Variants in GCFC2 observed in about 807,000 individuals in gnomAD.
GCFC2 encodes the protein GC-rich sequence DNA-binding factor 2, also known as intron Large complex component GCFC2.
Under a neutral mutation model 99.4 loss-of-function variants are expected in GCFC2, and 102 were observed. The observed-to-expected ratio is 1.03, with a 90% confidence interval of 0.87 to 1.21. The LOEUF is 1.21. Ranked by LOEUF, GCFC2 falls within the 50% of genes most tolerant of loss-of-function variation. The probability of loss-of-function intolerance (pLI) is 0.00; values close to 1 mark genes in which losing one functional copy is unlikely to be tolerated. For missense variants in GCFC2, 973 were observed against 920.9 expected (o/e 1.06, Z -0.73); for synonymous variants, 338 against 316.8 (o/e 1.07, Z -0.71).
At chr2:75,703,617 G>A (rs1680707082) in intron 2 of GCFC2, among the ~76,000 whole-genome samples, 1 of 152,182 alleles carries the variant, frequency 6.6e-6, no homozygotes. Context: ...GGGACATGAT[G>A]AAGGTCAGGT....
chr2:75,666,802 G>A (rs577449535), intron 15 of GCFC2, among the ~76,000 whole-genome samples: 6 of 152,110 alleles, frequency 3.9e-5, no homozygotes, highest in South Asian at 4.1e-4. Context: ...TATTGTTCCC[G>A]GAGAGAACAA....
chr2:75,706,435 C>G, intron 2 of GCFC2, 88 bp downstream of exon 2: 1 of 831,904 alleles, frequency 1.2e-6, no homozygotes. Flanking sequence ...TGCCCCATGT[C>G]ACTAGAGTTT....
At chr2:75,701,913 T>C in intron 3 of GCFC2, 1 of 1,153,752 alleles carries the variant, frequency 8.7e-7, no homozygotes, top group Non-Finnish European at 1.1e-6. Flanking sequence ...AAACGATCGT[T>C]TTCAATGCTT....
chr2:75,706,482 T>C (rs1396140504), intron 2 of GCFC2, 41 bp downstream of exon 2: 1 of 1,337,156 alleles, frequency 7.5e-7, no homozygotes, highest in Non-Finnish European at 1.1e-6. Context: ...AACACTATAT[T>C]AAAAATAAAA....
chr2:75,686,266 A>T (rs976269277), intron 11 of GCFC2, among the ~76,000 whole-genome samples: 1 of 152,104 alleles, frequency 6.6e-6, no homozygotes, highest in Admixed American at 6.5e-5. Context: ...ATTTTTTTTA[A>T]ATTTTAAATT....
At chr2:75,691,893 G>T in intron 7 of GCFC2, 84 bp downstream of exon 7, 1 of 719,260 alleles carries the variant, frequency 1.4e-6, no homozygotes, top group Non-Finnish European at 1.9e-6. Context: ...TGAAAAACAT[G>T]TTTATAAAAA....
chr2:75,688,995 G>T, intron 10 of GCFC2, 31 bp downstream of exon 10: 1 of 1,164,526 alleles, frequency 8.6e-7, no homozygotes, highest in South Asian at 1.3e-5. Flanking sequence ...AATATAATCA[G>T]GATAATTTTT....
Position 75,702,238 on chromosome 2 carries a change from T to A in GCFC2, c.580A>T (p.Arg194Ter). 2 of 1,610,750 alleles carry A rather than the reference T, an allele frequency of 1.2e-6. No individual in the cohort carries two copies. Among genetic ancestry groups the A allele is most frequent in the Non-Finnish European group, 1.7e-6 (2 of 1,176,890 alleles). ...ATCCTTTGTCTAAGTGTTTGAGGTC[T>A]TAGAGTAAATGGTATTCTCTTTTCA... ...DHEKRIPFTLRPQTLRQRMAE... is the reference protein window; with the variant it reads ...DHEKRIPFTL Residue 194 changes from arginine (R) to a stop codon, truncating the protein, a stop_gained, in exon 3 of 17, where the codon AGA becomes TGA. Coordinates refer to ENST00000321027, the MANE Select transcript of GCFC2 (RefSeq NM_003203.5). LOFTEE classifies it high-confidence loss of function.
chr2:75,708,879 A>C (rs947683700), intron 1 of GCFC2, among the ~76,000 whole-genome samples: 5 of 152,140 alleles, frequency 3.3e-5, no homozygotes, highest in African/African-American at 1.2e-4. Flanking sequence ...CAACACCCTC[A>C]ATGATCTAAA....
intron 11 of GCFC2, among the ~76,000 whole-genome samples, chr2:75,682,011 G>T (rs1679603088): frequency 6.6e-6 from 1 of 151,922 alleles, no homozygotes; most frequent in South Asian, 2.1e-4. Flanking sequence ...GTGGCTGTGG[G>T]CGCAGCTTCA....
At chr2:75,697,039 G>A (rs908522083) in intron 4 of GCFC2, among the ~76,000 whole-genome samples, 13 of 152,270 alleles carry the variant, frequency 8.5e-5, no homozygotes, top group African/African-American at 3.1e-4. Context: ...GCCTGCCGTG[G>A]CCTCCCAAAG....
At position 75,685,659 on chromosome 2, in the gene GCFC2, C is replaced by T. The variant is rs867378512; in HGVS notation, c.1690+2168G>A. Among the ~76,000 whole-genome samples the T allele has an allele frequency of 5.3e-5, 8 of 152,096 alleles. No homozygotes were observed. In the East Asian group the frequency reaches 1.2e-3, roughly 22 times the overall value. On this transcript the variant is annotated intron_variant, in intron 11 of 16. Coordinates refer to ENST00000321027, the MANE Select transcript of GCFC2 (RefSeq NM_003203.5). ...CTTCTCTTTTCGGTTTATATTCACTCGCTTGGTATTCAAAGTCAATTTTAT... is the reference window on the plus strand; with the variant it reads ...CTTCTCTTTTCGGTTTATATTCACTTGCTTGGTATTCAAAGTCAATTTTAT...
rs566497279 is a variant in GCFC2 at position 75,710,007 on chromosome 2, G to A, written c.265+584C>T. ...GAACTCAAAGGTACTTCAAAATGAC[G>A]ACACTATATCTAACACCATTACTGG... is the stretch of plus-strand genomic sequence containing the variant. On this transcript the variant is annotated intron_variant, in intron 1 of 16. Transcript: ENST00000321027. Among the ~76,000 whole-genome samples, 5 of 152,162 alleles carry A rather than the reference G, an allele frequency of 3.3e-5. No homozygotes were observed. The East Asian group carries it at 7.7e-4, about 24-fold the overall frequency.
chr2:75,711,131 T>C (rs2104447464), upstream of GCFC2: 3 of 1,246,222 alleles, frequency 2.4e-6, no homozygotes, highest in South Asian at 8.4e-5. Flanking sequence ...TCACGGCCTA[T>C]CCGGTCTGAG....
intron 9 of GCFC2, 77 bp from the exon 10 acceptor site, chr2:75,689,302 T>C (rs1679951187): frequency 1.3e-6 from 1 of 750,078 alleles, no homozygotes; most frequent in Admixed American, 2.6e-5. Context: ...ACGGTCATGA[T>C]GGACTGTAAT....
chr2:75,688,067 G>A (rs1679899689), intron 10 of GCFC2, 90 bp from the exon 11 acceptor site: 1 of 770,424 alleles, frequency 1.3e-6, no homozygotes, highest in African/African-American at 1.8e-5. Flanking sequence ...AATCACCAGA[G>A]CTTTTCTAAG....
intron 15 of GCFC2, among the ~76,000 whole-genome samples, chr2:75,666,899 C>G (rs1181114888): frequency 1.3e-5 from 2 of 151,990 alleles, no homozygotes; most frequent in Admixed American, 1.3e-4. Context: ...CAGACCAACT[C>G]AAAGTTCTAA....
At position 75,664,126 on chromosome 2, in the gene GCFC2, GGGA is replaced by G. The variant is rs1219576487; in HGVS notation, c.*537_*539del. ...AAAAGGATAATAACTACTGCTGGTA[GGGA>G]TTCATTGGCACTCACTTATGCTTAT... is the stretch of plus-strand genomic sequence containing the variant. On this transcript the variant is annotated 3_prime_UTR_variant, in exon 17 of 17. Transcript: ENST00000321027. 7 of 152,300 alleles carry G rather than the reference GGGA, an allele frequency of 4.6e-5. No individual in the cohort carries two copies. The East Asian group carries it at 1.4e-3, about 29-fold the overall frequency. The allele number at this position is 152,300 out of a possible 1,614,324, so 9.4% of individuals were successfully genotyped here. A position where few individuals can be genotyped will look rare whatever the true frequency, so the allele number is the denominator to read the frequency against.
At chr2:75,666,579 G>T (rs930444600) in intron 15 of GCFC2, among the ~76,000 whole-genome samples, 2 of 152,004 alleles carry the variant, frequency 1.3e-5, no homozygotes, top group Non-Finnish European at 2.9e-5. Flanking sequence ...GCAGCAGAAT[G>T]AATCAATGTA....
Sources: gnomAD v4.1 joint callset for allele counts (sites outside exome capture counted in the v4.1 genomes callset) on GRCh38, gnomAD v4.1.1 for gene constraint, MANE v1.5 for transcripts, NCBI Gene and HGNC (gene_info 2026-07-23, HGNC 2026-07-21) for gene names.